The following LRP2 variants were observed in gnomAD, a reference collection of about 807,000 sequenced individuals.
LRP2 encodes the protein low-density lipoprotein receptor-related protein 2.
In LRP2, 172 loss-of-function variants were observed where a neutral mutation model predicts 531.0. The observed-to-expected ratio is 0.32, with a 90% CI of 0.29 to 0.37. The LOEUF (loss-of-function observed/expected upper bound fraction) is 0.37. Ranked by LOEUF, LRP2 falls within the 10% of genes least tolerant of loss-of-function variation. The pLI is 1.00. For missense variants in LRP2, 5,167 were observed against 5,868.3 expected (o/e 0.88, Z 3.90); for synonymous variants, 1,992 against 2,027.6 (o/e 0.98, Z 0.47).
At chr2:169,356,418 A>G (rs770920161) in intron 1 of LRP2, among the ~76,000 whole-genome samples, 1 of 152,208 alleles carries the variant, frequency 6.6e-6, no homozygotes. Flanking sequence ...AAATTCTCGT[A>G]TTGGGTAATA....
intron 61 of LRP2, 58 bp from the exon 62 acceptor site, chr2:169,166,112 T>C: frequency 6.4e-7 from 1 of 1,573,478 alleles, no homozygotes; most frequent in Non-Finnish European, 8.7e-7. Flanking sequence ...TAAGTGTCAA[T>C]ATCTAAAATA....
chr2:169,210,286 T>C (rs888458472), intron 37 of LRP2, among the ~76,000 whole-genome samples: 3 of 152,084 alleles, frequency 2.0e-5, no homozygotes, highest in Non-Finnish European at 2.9e-5. Flanking sequence ...TGTGATTGCA[T>C]AGATTCCACC....
At chr2:169,287,399 C>T (rs754890898) in intron 9 of LRP2, among the ~76,000 whole-genome samples, 27 of 152,072 alleles carry the variant, frequency 1.8e-4, no homozygotes, top group Admixed American at 1.0e-3. Context: ...AACTTTGGGA[C>T]GTGGTCCTGA....
Position 169,201,788 on chromosome 2 carries a change from A to G in LRP2, c.8292T>C (p.Asn2764=). The G allele has an allele frequency of 6.2e-7, 1 of 1,614,212 alleles. No homozygotes were observed. The highest frequency in any genetic ancestry group is 1.7e-5 in the Admixed American group (1 of 60,018). Residue 2764 remains asparagine (N), a synonymous_variant, in exon 44 of 79, where the codon AAT becomes AAC. Coordinates refer to ENST00000649046, the MANE Select transcript of LRP2 (RefSeq NM_004525.3). ...VQYSYRCDYY[N]DCGDGSDEAG... is the part of the protein sequence containing the mutation. Reference sequence around the variant, plus strand: ...CCTCATCACTGCCATCACCACAGTCATTGTAGTAATCACAGCGGTAAGAGT... The same window carrying G: ...CCTCATCACTGCCATCACCACAGTCGTTGTAGTAATCACAGCGGTAAGAGT...
chr2:169,213,485 G>A lies in LRP2; in HGVS notation c.6040+172C>T, dbSNP rs62172629. 0.037 allele frequency among the ~76,000 whole-genome samples: 5,613 copies of A among 152,264 alleles called. 148 individuals are homozygous for A. The highest frequency in any genetic ancestry group is 0.098 in the South Asian group (474 of 4,826). On this transcript the variant is annotated intron_variant, in intron 36 of 78. Transcript: ENST00000649046. ...CTTTCAGATGCCAAATTAGCCCTTG[G>A]CACTTAACCATGTTTAAGACTTCAT...
chr2:169,234,202 C>T lies in LRP2; in HGVS notation c.4921-614G>A, dbSNP rs1471539530. On this transcript the variant is annotated intron_variant, in intron 29 of 78. Transcript: ENST00000649046. ...CGTGCAGGTTTGTTACATAGGTATA[C>T]ATGTGCCATGGTGGTTTGCTGCACC... Among the ~76,000 whole-genome samples, 8 of 152,088 alleles carry T rather than the reference C, an allele frequency of 5.3e-5. 1 individual carries two copies.
At chr2:169,236,873 T>C (rs1689624455) in intron 28 of LRP2, among the ~76,000 whole-genome samples, 1 of 152,186 alleles carries the variant, frequency 6.6e-6, no homozygotes, top group South Asian at 2.1e-4. Context: ...AATAAATCAA[T>C]GTGCTCTTAA....
chr2:169,272,202 A>C (rs1190116649), intron 15 of LRP2, among the ~76,000 whole-genome samples: 1 of 152,118 alleles, frequency 6.6e-6, no homozygotes. Context: ...TAGAAGTGAA[A>C]ATAAGAAAAA....
chr2:169,201,910 A>G, intron 43 of LRP2, 40 bp from the exon 44 acceptor site: 1 of 1,612,360 alleles, frequency 6.2e-7, no homozygotes, highest in East Asian at 2.2e-5. Context: ...CCTCTTGATT[A>G]AAACATTATC....
intron 31 of LRP2, among the ~76,000 whole-genome samples, chr2:169,227,351 A>T (rs1446771656): frequency 1.3e-5 from 2 of 152,212 alleles, no homozygotes; most frequent in South Asian, 2.1e-4. Context: ...AGTTCTCAAA[A>T]CTGTCTACAC....
chr2:169,175,123 C>T (rs1687142902), intron 55 of LRP2, 70 bp downstream of exon 55: 1 of 1,470,688 alleles, frequency 6.8e-7, no homozygotes, highest in African/African-American at 1.4e-5. Flanking sequence ...TCAGGAAATA[C>T]CCACAGAATC....
At chr2:169,173,270 A>G in intron 56 of LRP2, 46 bp from the exon 57 acceptor site, 1 of 1,612,134 alleles carries the variant, frequency 6.2e-7, no homozygotes, top group Non-Finnish European at 8.5e-7. Flanking sequence ...GGTACAAGAA[A>G]GCACCTTTCC....
intron 1 of LRP2, among the ~76,000 whole-genome samples, chr2:169,332,864 T>C (rs959550509): frequency 1.3e-5 from 2 of 152,208 alleles, no homozygotes; most frequent in African/African-American, 4.8e-5. Flanking sequence ...GTGAGGCTCA[T>C]TGCATTGTTA....
Position 169,128,842 on chromosome 2 carries a change from A to T in LRP2, c.13801-12T>A. ...TGCTCGTTCTCCATCTAAGAATACA[A>T]TGTAACAGGAATCAGCCATTTATTC... On this transcript the variant is annotated splice_polypyrimidine_tract_variant and intron_variant, in intron 78 of 78. Transcript: ENST00000649046. The T allele has an allele frequency of 6.2e-7, 1 of 1,614,012 alleles. No individual in the cohort carries two copies. Among genetic ancestry groups the T allele is most frequent in the South Asian group, 1.1e-5 (1 of 91,084 alleles).
At chr2:169,345,234 G>A (rs1283893134) in intron 1 of LRP2, among the ~76,000 whole-genome samples, 2 of 152,024 alleles carry the variant, frequency 1.3e-5, no homozygotes, top group East Asian at 1.9e-4. Context: ...TTTTCTTTAC[G>A]GATTCCAATC....
At chr2:169,189,415 C>T (rs917026367) in intron 48 of LRP2, among the ~76,000 whole-genome samples, 8 of 152,118 alleles carry the variant, frequency 5.3e-5, no homozygotes, top group Non-Finnish European at 8.8e-5. Context: ...TTTGGTCTCC[C>T]GGGAGCTATT....
At chr2:169,282,558 G>C (rs1315802347) in intron 10 of LRP2, among the ~76,000 whole-genome samples, 2 of 152,200 alleles carry the variant, frequency 1.3e-5, no homozygotes, top group Non-Finnish European at 2.9e-5. Flanking sequence ...AAATGTCCAA[G>C]CCAATCAAAT....
At chr2:169,326,387 C>T (rs1356660946) in intron 1 of LRP2, among the ~76,000 whole-genome samples, 2 of 151,846 alleles carry the variant, frequency 1.3e-5, no homozygotes, top group African/African-American at 4.8e-5. Flanking sequence ...GACTGGTTTT[C>T]GTACTTTTTT....
chr2:169,140,580 G>T (rs954156557), intron 71 of LRP2, 35 bp from the exon 72 acceptor site: 3 of 1,531,996 alleles, frequency 2.0e-6, no homozygotes, highest in African/African-American at 1.4e-5. Flanking sequence ...GTGTTAGTCA[G>T]CTGTACTCAG....
Sources: allele counts gnomAD v4.1 joint callset (sites outside exome capture counted in the v4.1 genomes callset), GRCh38; gene constraint gnomAD v4.1.1; transcripts MANE v1.5; gene names NCBI Gene and HGNC (gene_info 2026-07-23, HGNC 2026-07-21).